ULK4: variants seen among roughly 807,000 people sequenced by gnomAD.
The protein encoded by ULK4 is unc-51 like kinase 4, also known as inactive serine/threonine-protein kinase ULK4.
ULK4 carries 133 observed loss-of-function variants against 160.6 expected under a neutral mutation model. The observed-to-expected ratio is 0.83, with a 90% CI of 0.72 to 0.96. The LOEUF (loss-of-function observed/expected upper bound fraction) is 0.96, where lower values mean the gene tolerates loss of function less well. Ranked by LOEUF, ULK4 falls within the 40% of genes least tolerant of loss-of-function variation. The pLI is 0.00. For missense variants in ULK4, 1,580 were observed against 1,499.5 expected (o/e 1.05, Z -0.89); for synonymous variants, 534 against 539.8 (o/e 0.99, Z 0.15).
chr3:41,523,636 A>G (rs1228705422), intron 32 of ULK4, among the ~76,000 whole-genome samples: 1 of 152,222 alleles, frequency 6.6e-6, no homozygotes. Flanking sequence ...TAATAAGTTT[A>G]GGAGAAGGTA....
At chr3:41,388,987 T>C (rs2081889807) in intron 35 of ULK4, among the ~76,000 whole-genome samples, 2 of 152,080 alleles carry the variant, frequency 1.3e-5, no homozygotes, top group East Asian at 1.9e-4. Flanking sequence ...TTTCACGATA[T>C]TGATTCTTCC....
In ULK4 at chr3:41,930,016, G is replaced by A. The variant is rs182129763; in HGVS notation, c.541+1828C>T. Among the ~76,000 whole-genome samples, 45 of 152,172 alleles carry A rather than the reference G, an allele frequency of 3.0e-4. No individual in the cohort carries two copies. In the East Asian group the frequency reaches 8.3e-3, roughly 28 times the overall value. On this transcript the variant is annotated intron_variant, in intron 5 of 36. Transcript: ENST00000301831. The stretch of plus-strand genomic sequence containing the variant: ...AAATTTCATATGGAACCAAAAAAGA[G>A]CCCGCATAGCCAAGACTATCCTAAG...
At chr3:41,888,055 A>G (rs146342785) in intron 16 of ULK4, among the ~76,000 whole-genome samples, 42 of 152,168 alleles carry the variant, frequency 2.8e-4, no homozygotes, top group African/African-American at 9.9e-4. Context: ...ATGCACCTGT[A>G]GTCCCATTCC....
intron 35 of ULK4, among the ~76,000 whole-genome samples, chr3:41,321,256 C>G (rs1162920068): frequency 6.6e-6 from 1 of 152,132 alleles, no homozygotes. Flanking sequence ...CTGTTGGAAA[C>G]TCAGCATTAG....
intron 11 of ULK4, 131 bp downstream of exon 11, chr3:41,911,186 T>C (rs1698771848): frequency 1.2e-6 from 1 of 843,178 alleles, no homozygotes; most frequent in South Asian, 1.8e-5. Flanking sequence ...AATTGGAGAG[T>C]GAAACTGGCA....
At chr3:41,721,426 G>C (rs946031984) in intron 22 of ULK4, among the ~76,000 whole-genome samples, 5 of 132,724 alleles carry the variant, frequency 3.8e-5, no homozygotes, top group Non-Finnish European at 4.6e-5. Context: ...TGCATGCAGT[G>C]GCACAATCTC....
At chr3:41,669,227 A>G (rs2035449029) in intron 29 of ULK4, among the ~76,000 whole-genome samples, 1 of 152,158 alleles carries the variant, frequency 6.6e-6, no homozygotes, top group South Asian at 2.1e-4. Context: ...TGTATTAAAT[A>G]CCTTTAAAAT....
At chr3:41,348,140 T>C (rs544131131) in intron 35 of ULK4, among the ~76,000 whole-genome samples, 2 of 128,866 alleles carry the variant, frequency 1.6e-5, no homozygotes, top group Non-Finnish European at 3.1e-5. Flanking sequence ...ACCTGGGAGG[T>C]GGAGGTTGCA....
chr3:41,470,046 A>AAAC (rs2083946373), intron 32 of ULK4, among the ~76,000 whole-genome samples: 1 of 115,942 alleles, frequency 8.6e-6, no homozygotes, highest in Non-Finnish European at 1.8e-5. Flanking sequence ...AAAAAAAAAA[A>AAAC]CAAAGTATTT....
chr3:41,464,003 T>C (rs1192765880), intron 32 of ULK4, among the ~76,000 whole-genome samples: 2 of 105,790 alleles, frequency 1.9e-5, no homozygotes, highest in Non-Finnish European at 1.9e-5. Flanking sequence ...AATTCAGATG[T>C]TCTAAAAAAA....
At chr3:41,470,044 A>AAAAAAAAAAAAAAAAAAAAAAAAAC (rs1415943037) in intron 32 of ULK4, among the ~76,000 whole-genome samples, 4 of 116,688 alleles carry the variant, frequency 3.4e-5, no homozygotes, top group African/African-American at 1.1e-4. Context: ...AAAAAAAAAA[A>AAAAAAAAAAAAAAAAAAAAAAAAAC]AACAAAGTAT....
chr3:41,948,898 A>G (rs1175278181), intron 2 of ULK4, among the ~76,000 whole-genome samples: 2 of 152,160 alleles, frequency 1.3e-5, no homozygotes, highest in African/African-American at 2.4e-5. Context: ...CTAGTCAAGA[A>G]GGTATAAAAA....
intron 35 of ULK4, among the ~76,000 whole-genome samples, chr3:41,376,709 T>A (rs1186376566): frequency 2.7e-5 from 4 of 149,648 alleles, no homozygotes; most frequent in Non-Finnish European, 5.9e-5. Context: ...AAACTACTGC[T>A]CAAGGAAATA....
chr3:41,583,150 A>C (rs2030508564), intron 31 of ULK4, among the ~76,000 whole-genome samples: 1 of 152,194 alleles, frequency 6.6e-6, no homozygotes, highest in Admixed American at 6.5e-5. Context: ...GCTCCCCAGA[A>C]ATGCCTCAGA....
At chr3:41,696,227 T>C (rs555765786) in intron 27 of ULK4, among the ~76,000 whole-genome samples, 1 of 152,350 alleles carries the variant, frequency 6.6e-6, no homozygotes, top group South Asian at 2.1e-4. Flanking sequence ...TGTGGTGCTA[T>C]GCTTCAGTGG....
chr3:41,728,556 T>C (rs531773251), intron 22 of ULK4, among the ~76,000 whole-genome samples: 23 of 152,166 alleles, frequency 1.5e-4, no homozygotes, highest in African/African-American at 5.1e-4. Flanking sequence ...TTTGGAGGCC[T>C]AAGGGACAAA....
chr3:41,261,467 C>A (rs938894951), intron 35 of ULK4, among the ~76,000 whole-genome samples: 3 of 152,152 alleles, frequency 2.0e-5, no homozygotes, highest in Admixed American at 2.0e-4. Context: ...TCCCTTGAGA[C>A]CACGGCATCT....
At chr3:41,455,885 C>T (rs2083539106) in intron 33 of ULK4, among the ~76,000 whole-genome samples, 1 of 152,018 alleles carries the variant, frequency 6.6e-6, no homozygotes, top group African/African-American at 2.4e-5. Context: ...GGTGATGTCC[C>T]ATATATTGCA....
At chr3:41,903,329 A>G (rs1698437385) in intron 12 of ULK4, among the ~76,000 whole-genome samples, 1 of 152,224 alleles carries the variant, frequency 6.6e-6, no homozygotes. Flanking sequence ...TCACACCTGC[A>G]ATCCCAGCAC....
Sources: allele counts gnomAD v4.1 joint callset (sites outside exome capture counted in the v4.1 genomes callset), GRCh38; gene constraint gnomAD v4.1.1; transcripts MANE v1.5; gene names NCBI Gene and HGNC (gene_info 2026-07-23, HGNC 2026-07-21).